Variants in CNTN5 observed in about 807,000 individuals in gnomAD.
CNTN5 encodes contactin 5, also known as contactin-5.
A neutral mutation model predicts 129.1 loss-of-function variants in CNTN5; 77 were observed. The ratio of observed to expected loss-of-function variants is 0.60; its 90% confidence interval spans 0.50 to 0.72. CNTN5 has a LOEUF of 0.72. CNTN5 is among the 30% of genes least tolerant of loss of function. The pLI is 0.00. For missense variants in CNTN5, 1,478 were observed against 1,328.8 expected (o/e 1.11, Z -1.75); for synonymous variants, 509 against 465.6 (o/e 1.09, Z -1.20).
At chr11:99,503,732 A>G (rs1946511370) in intron 2 of CNTN5, among the ~76,000 whole-genome samples, 1 of 152,200 alleles carries the variant, frequency 6.6e-6, no homozygotes, top group Non-Finnish European at 1.5e-5. Context: ...AGACAGACAG[A>G]TAAATAGATC....
intron 2 of CNTN5, among the ~76,000 whole-genome samples, chr11:99,326,929 A>G (rs282490): frequency 0.61 from 93,061 of 151,962 alleles, 29,194 homozygotes; most frequent in African/African-American, 0.72. Flanking sequence ...AATAGGTTAC[A>G]TACACAAAAT....
chr11:100,274,448 T>C (rs555192048), intron 18 of CNTN5, among the ~76,000 whole-genome samples: 4 of 152,218 alleles, frequency 2.6e-5, no homozygotes, highest in African/African-American at 7.2e-5. Flanking sequence ...CCACAGAATA[T>C]GATAAAATTT....
intron 3 of CNTN5, among the ~76,000 whole-genome samples, chr11:99,698,662 C>A (rs1268893000): frequency 2.6e-5 from 4 of 151,376 alleles, no homozygotes; most frequent in Non-Finnish European, 5.9e-5. Flanking sequence ...GGTAGTATTG[C>A]CTGACAAACC....
At chr11:99,186,452 C>G (rs1858356664) in intron 1 of CNTN5, among the ~76,000 whole-genome samples, 1 of 151,860 alleles carries the variant, frequency 6.6e-6, no homozygotes, top group African/African-American at 2.4e-5. Flanking sequence ...TGTTGATAAG[C>G]TTTCATGATT....
intron 4 of CNTN5, among the ~76,000 whole-genome samples, chr11:99,843,651 G>A (rs905557195): frequency 2.0e-5 from 3 of 152,058 alleles, no homozygotes; most frequent in African/African-American, 7.2e-5. Context: ...AACAATGTCT[G>A]GATACCTTTT....
At chr11:99,671,996 C>T (rs1397224499) in intron 3 of CNTN5, among the ~76,000 whole-genome samples, 1 of 152,158 alleles carries the variant, frequency 6.6e-6, no homozygotes, top group Non-Finnish European at 1.5e-5. Context: ...AATCATTCTC[C>T]AAATGTGCTG....
chr11:99,715,231 G>A (rs1044266659), intron 3 of CNTN5, among the ~76,000 whole-genome samples: 10 of 151,810 alleles, frequency 6.6e-5, no homozygotes, highest in African/African-American at 9.7e-5. Flanking sequence ...TTGGAGTTTC[G>A]CAATTACATA....
intron 20 of CNTN5, among the ~76,000 whole-genome samples, chr11:100,299,794 AAT>A (rs1951178930): frequency 2.0e-5 from 3 of 151,446 alleles, no homozygotes; most frequent in Admixed American, 1.3e-4. Context: ...GTGACAAATA[AAT>A]ATTTATTTCT....
chr11:99,583,710 A>G (rs1949695946), intron 3 of CNTN5, among the ~76,000 whole-genome samples: 2 of 152,168 alleles, frequency 1.3e-5, no homozygotes, highest in Non-Finnish European at 2.9e-5. Context: ...CTGATTTTCC[A>G]GGTGCCGTCT....
intron 2 of CNTN5, among the ~76,000 whole-genome samples, chr11:99,432,991 A>G (rs1943449890): frequency 6.8e-6 from 1 of 147,586 alleles, no homozygotes; most frequent in South Asian, 2.2e-4. Flanking sequence ...TTGTGACTCC[A>G]TGAATATAAA....
intron 3 of CNTN5, among the ~76,000 whole-genome samples, chr11:99,700,861 T>G (rs939243274): frequency 6.6e-6 from 1 of 151,228 alleles, no homozygotes; most frequent in Non-Finnish European, 1.5e-5. Context: ...CAATAAGATT[T>G]GCTGTAATTC....
intron 3 of CNTN5, among the ~76,000 whole-genome samples, chr11:99,756,499 C>A (rs1327980027): frequency 6.6e-6 from 1 of 152,072 alleles, no homozygotes. Context: ...CATCTTGTCA[C>A]AAATCGAAGC....
At chr11:99,903,316 C>G (rs558721517) in intron 6 of CNTN5, among the ~76,000 whole-genome samples, 1 of 151,380 alleles carries the variant, frequency 6.6e-6, no homozygotes, top group Non-Finnish European at 1.5e-5. Flanking sequence ...TAACCAAAAC[C>G]GTAACCATAG....
At chr11:99,260,230 T>C (rs2135820895) in intron 1 of CNTN5, among the ~76,000 whole-genome samples, 1 of 151,914 alleles carries the variant, frequency 6.6e-6, no homozygotes, top group Non-Finnish European at 1.5e-5. Flanking sequence ...TTTCATTCAT[T>C]TGGGGATGTA....
intron 16 of CNTN5, among the ~76,000 whole-genome samples, chr11:100,238,914 A>T (rs1485787560): frequency 6.6e-6 from 1 of 152,190 alleles, no homozygotes; most frequent in Non-Finnish European, 1.5e-5. Context: ...ATGGTGATAG[A>T]GTACATTTTG....
intron 1 of CNTN5, among the ~76,000 whole-genome samples, chr11:99,194,294 G>A (rs1474954197): frequency 6.6e-6 from 1 of 152,016 alleles, no homozygotes; most frequent in African/African-American, 2.4e-5. Context: ...GATAAAAGTA[G>A]CACATTTTTA....
chr11:99,935,414 T>C (rs1950293457), intron 7 of CNTN5, among the ~76,000 whole-genome samples: 1 of 152,112 alleles, frequency 6.6e-6, no homozygotes, highest in African/African-American at 2.4e-5. Flanking sequence ...CATTCCATGT[T>C]AAAAATTATT....
intron 9 of CNTN5, among the ~76,000 whole-genome samples, chr11:100,043,188 G>C (rs1942471701): frequency 6.6e-6 from 1 of 152,096 alleles, no homozygotes; most frequent in African/African-American, 2.4e-5. Flanking sequence ...AATCATTCTT[G>C]ATTTCAAATC....
At chr11:99,500,843 T>A (rs878998448) in intron 2 of CNTN5, among the ~76,000 whole-genome samples, 3 of 152,224 alleles carry the variant, frequency 2.0e-5, no homozygotes, top group Non-Finnish European at 4.4e-5. Context: ...AGTATGTTTA[T>A]TTAAATATTT....
Sources: allele counts gnomAD v4.1 joint callset (sites outside exome capture counted in the v4.1 genomes callset), GRCh38; gene constraint gnomAD v4.1.1; transcripts MANE v1.5; gene names NCBI Gene and HGNC (gene_info 2026-07-23, HGNC 2026-07-21).